Variants in PCDHGB7 observed in about 807,000 individuals in gnomAD.
PCDHGB7 encodes the protein protocadherin gamma subfamily B, 7, also known as protocadherin gamma-B7.
Under a neutral mutation model 61.4 loss-of-function variants are expected in PCDHGB7, and 37 were observed. That is an observed-to-expected ratio of 0.60 (90% CI 0.46 to 0.79). PCDHGB7 has a LOEUF of 0.79. PCDHGB7 is among the 30% of genes least tolerant of loss of function. The probability of loss-of-function intolerance (pLI) is 0.00; values close to 1 mark genes in which losing one functional copy is unlikely to be tolerated. For synonymous variants in PCDHGB7, 464 were observed against 503.5 expected (o/e 0.92, Z 1.05); for missense variants, 1,166 against 1,202.5 (o/e 0.97, Z 0.45).
At chr5:141,497,461 A>G (rs541848982) in intron 2 of PCDHGB7, among the ~76,000 whole-genome samples, 2 of 151,526 alleles carry the variant, frequency 1.3e-5, no homozygotes, top group Admixed American at 1.3e-4. Context: ...GCTCTTGGAG[A>G]TATGGAGGAG....
In PCDHGB7 at chr5:141,490,363, C is replaced by T. The variant is rs779932482; in HGVS notation, c.2416-4444C>T. 10 of 1,614,036 alleles carry T rather than the reference C, an allele frequency of 6.2e-6. No individual in the cohort carries two copies. The highest frequency in any genetic ancestry group is 1.3e-5 in the African/African-American group (1 of 74,904). The stretch of plus-strand genomic sequence containing the variant: ...CACAGTAGTGGGGTTGTTTAATGTG[C>T]GAGACCGGGACTCAGGTAGAAATGG... On this transcript the variant is annotated intron_variant, in intron 1 of 3. Coordinates refer to ENST00000398594, the MANE Select transcript of PCDHGB7 (RefSeq NM_018927.4). The surrounding 1 kb of genome is among the most constrained non-coding windows in gnomAD (Gnocchi z 5.4).
Position 141,478,407 on chromosome 5 carries a change from C to T in PCDHGB7, c.2416-16400C>T. On this transcript the variant is annotated intron_variant, in intron 1 of 3. Coordinates refer to ENST00000398594, the MANE Select transcript of PCDHGB7 (RefSeq NM_018927.4). The stretch of plus-strand genomic sequence containing the variant: ...CTTTACCATCAGGTGTATCTCACCA[C>T]GGACTCCCGCCGCAGCGACCCGCTG... 1.9e-6 allele frequency: 3 copies of T among 1,613,272 alleles called. No individual in the cohort carries two copies. The highest frequency in any genetic ancestry group is 1.3e-5 in the African/African-American group (1 of 75,072).
chr5:141,503,161 T>C (rs1035413931), intron 2 of PCDHGB7, among the ~76,000 whole-genome samples: 3 of 152,054 alleles, frequency 2.0e-5, no homozygotes, highest in Admixed American at 1.3e-4. Context: ...AGTATCACAA[T>C]TGCAATTACT....
chr5:141,418,381 T>C lies in PCDHGB7; in HGVS notation c.522T>C (p.Pro174=). The stretch of plus-strand genomic sequence containing the variant: ...CGCTGAGCAAATACCAACTAAGTCC[T>C]AACGAGTATTTCTCATTGGTGGAGA... ...MNSLSKYQLS[P]NEYFSLVEKD... The change falls in exon 1 of 4, where the codon CCT becomes CCC. Residue 174 remains proline, a synonymous_variant. Coordinates refer to ENST00000398594, the MANE Select transcript of PCDHGB7 (RefSeq NM_018927.4). The C allele has an allele frequency of 1.9e-6, 3 of 1,613,998 alleles. No individual in the cohort carries two copies. Among genetic ancestry groups the C allele is most frequent in the Non-Finnish European group, 2.5e-6 (3 of 1,179,884 alleles).
chr5:141,498,616 G>T (rs1202866176), intron 2 of PCDHGB7, among the ~76,000 whole-genome samples: 1 of 152,138 alleles, frequency 6.6e-6, no homozygotes, highest in East Asian at 1.9e-4. Flanking sequence ...AGTCAGCACT[G>T]GGTCACACTG....
Position 141,419,757 on chromosome 5 carries a change from G to A in PCDHGB7, c.1898G>A (p.Gly633Asp), listed in dbSNP as rs1468216226. 3.1e-6 allele frequency: 5 copies of A among 1,613,876 alleles called. No homozygotes were observed. Among genetic ancestry groups the A allele is most frequent in the African/African-American group, 1.3e-5 (1 of 74,952 alleles). The change falls in exon 1 of 4, where the codon GGT becomes GAT. Residue 633 changes from glycine to aspartate, a missense_variant. Transcript: ENST00000398594. Reference protein sequence around the residue: ...TGEVRMVRALGDKDSVRQRLL... With the variant: ...TGEVRMVRALDDKDSVRQRLL... ...GAGGTGCGCATGGTGCGTGCTTTGG[G>A]TGACAAGGACTCGGTCCGCCAGCGC...
Position 141,490,066 on chromosome 5 carries a change from C to G in PCDHGB7, c.2416-4741C>G. ...TGATCCAGACGAGGGCACCAACGGC[C>G]AACTAGACTATTCTTTTGGAGACCA... On this transcript the variant is annotated intron_variant, in intron 1 of 3. Coordinates refer to ENST00000398594, the MANE Select transcript of PCDHGB7 (RefSeq NM_018927.4). The surrounding 1 kb of genome is among the most constrained non-coding windows in gnomAD (Gnocchi z 5.4). The G allele has an allele frequency of 1.2e-6, 2 of 1,614,248 alleles. No individual in the cohort carries two copies. Among genetic ancestry groups the G allele is most frequent in the Non-Finnish European group, 1.7e-6 (2 of 1,180,034 alleles).
rs1554123924 is a variant in PCDHGB7, at chr5:141,431,826, T to C, written c.2415+11552T>C. 1 of 1,614,220 alleles carries C rather than the reference T, an allele frequency of 6.2e-7. No homozygotes were observed. The highest frequency in any genetic ancestry group is 8.5e-7 in the Non-Finnish European group (1 of 1,180,050). The stretch of plus-strand genomic sequence containing the variant: ...GTCCTCACCTCTCTCGCCAGCTCGG[T>C]TCCCGAAAACTCTCCCAGAGGGACA... On this transcript the variant is annotated intron_variant, in intron 1 of 3. Coordinates refer to ENST00000398594, the MANE Select transcript of PCDHGB7 (RefSeq NM_018927.4). This position sits in a 1 kb window ranked among gnomAD's most constrained non-coding sequence, Gnocchi z 4.8.
rs112808093 is a variant in PCDHGB7, at chr5:141,489,579, C to T, written c.2416-5228C>T. On this transcript the variant is annotated intron_variant, in intron 1 of 3. Transcript: ENST00000398594. The surrounding 1 kb of genome is among the most constrained non-coding windows in gnomAD (Gnocchi z 4.5). ...CAGTGCAGGTGGTGACTGAACACCC[C>T]CTGGAGCTAATCCGTGTAGAGGTAG... is the stretch of plus-strand genomic sequence containing the variant. 211 of 1,614,038 alleles carry T rather than the reference C, an allele frequency of 1.3e-4. 1 individual carries two copies. In the African/African-American group the frequency reaches 1.7e-3, roughly 13 times the overall value.
At position 141,491,682 on chromosome 5, in the gene PCDHGB7, G is replaced by A. The variant is rs11952292; in HGVS notation, c.2416-3125G>A. The A allele has an allele frequency of 1.9e-6, 3 of 1,613,150 alleles. No individual in the cohort carries two copies. Among genetic ancestry groups the A allele is most frequent in the South Asian group, 1.1e-5 (1 of 91,046 alleles). On this transcript the variant is annotated intron_variant, in intron 1 of 3. Coordinates refer to ENST00000398594, the MANE Select transcript of PCDHGB7 (RefSeq NM_018927.4). The surrounding 1 kb of genome is among the most constrained non-coding windows in gnomAD (Gnocchi z 6.9). Reference sequence around the variant, plus strand: ...ACGCCATCCGGTCCCGCTCTAATACGCTGCGGGAGCGGAGCCAGGTGAGGG... The same window carrying A: ...ACGCCATCCGGTCCCGCTCTAATACACTGCGGGAGCGGAGCCAGGTGAGGG...
chr5:141,420,547 G>A (rs898726649), intron 1 of PCDHGB7: 1 of 278,678 alleles, frequency 3.6e-6, no homozygotes, highest in Non-Finnish European at 6.4e-6. Context: ...TAAAATACAG[G>A]TATATTTTTA....
chr5:141,482,622 A>G (rs1197606374), intron 1 of PCDHGB7, among the ~76,000 whole-genome samples: 1 of 151,936 alleles, frequency 6.6e-6, no homozygotes, highest in Non-Finnish European at 1.5e-5. Context: ...AGCCTGGAGA[A>G]AGGAAGAAAT....
chr5:141,501,314 C>G, intron 2 of PCDHGB7, among the ~76,000 whole-genome samples: 1 of 151,728 alleles, frequency 6.6e-6, no homozygotes, highest in Non-Finnish European at 1.5e-5. Flanking sequence ...CACACACACA[C>G]ACACACACAC....
At chr5:141,436,473 C>CA (rs2097825744) in intron 1 of PCDHGB7, among the ~76,000 whole-genome samples, 1 of 152,112 alleles carries the variant, frequency 6.6e-6, no homozygotes, top group Non-Finnish European at 1.5e-5. Context: ...TCAGATGTAT[C>CA]ATAGAAGGAT....
chr5:141,453,387 G>A (rs1313174494), intron 1 of PCDHGB7, among the ~76,000 whole-genome samples: 1 of 151,936 alleles, frequency 6.6e-6, no homozygotes, highest in Non-Finnish European at 1.5e-5. Flanking sequence ...TCCTGCCTTA[G>A]CCTCCAAGTG....
Position 141,489,092 on chromosome 5 carries a change from A to AATT in PCDHGB7, c.2416-5714_2416-5713insTTA. 2.9e-6 allele frequency: 1 copy of AATT among 348,332 alleles called. No individual in the cohort carries two copies. Among genetic ancestry groups the AATT allele is most frequent in the Non-Finnish European group, 4.7e-6 (1 of 214,538 alleles). 21.6% of individuals were successfully genotyped at this position (348,332 alleles called of 1,614,324 possible). A position where few individuals can be genotyped will look rare whatever the true frequency, so the allele number is the denominator to read the frequency against. On this transcript the variant is annotated intron_variant, in intron 1 of 3. Transcript: ENST00000398594. This position sits in a 1 kb window ranked among gnomAD's most constrained non-coding sequence, Gnocchi z 4.5. Reference sequence around the variant, plus strand: ...TGCCCACCCCCGCCACTCGGTGACTAAGAACTGCTGCAAGCAGGCAAACCT... The same window carrying AATT: ...TGCCCACCCCCGCCACTCGGTGACTAATTAGAACTGCTGCAAGCAGGCAAACCT...
chr5:141,471,065 T>C (rs1355886133), intron 1 of PCDHGB7, among the ~76,000 whole-genome samples: 3 of 148,628 alleles, frequency 2.0e-5, no homozygotes, highest in Non-Finnish European at 3.0e-5. Context: ...TTTTTTTTTT[T>C]TGAGACAGGG....
intron 1 of PCDHGB7, among the ~76,000 whole-genome samples, chr5:141,492,824 C>T (rs1027583244): frequency 4.6e-5 from 7 of 152,236 alleles, no homozygotes. Context: ...ACCAGCGGCC[C>T]CTTCCTCCCG....
In PCDHGB7 at chr5:141,493,482, G is replaced by T. The variant is rs184736387; in HGVS notation, c.2416-1325G>T. The stretch of plus-strand genomic sequence containing the variant: ...TTTTAGGACCTTACATGTGGGGAAA[G>T]TCTTCTGTGGCTCCTCATTTCTGAG... On this transcript the variant is annotated intron_variant, in intron 1 of 3. Coordinates refer to ENST00000398594, the MANE Select transcript of PCDHGB7 (RefSeq NM_018927.4). The surrounding 1 kb of genome is among the most constrained non-coding windows in gnomAD (Gnocchi z 4.3). 6.6e-6 allele frequency among the ~76,000 whole-genome samples: 1 copy of T among 152,206 alleles called. No individual in the cohort carries two copies. Among genetic ancestry groups the T allele is most frequent in the Admixed American group, 6.5e-5 (1 of 15,282 alleles).
Sources: gnomAD v4.1 joint callset for allele counts (sites outside exome capture counted in the v4.1 genomes callset) on GRCh38, gnomAD v4.1.1 for gene constraint, Gnocchi (gnomAD v3.1) non-coding constraint, MANE v1.5 for transcripts, NCBI Gene and HGNC (gene_info 2026-07-23, HGNC 2026-07-21) for gene names.